Variants in ATE1 observed in about 807,000 individuals in gnomAD.
ATE1 encodes the protein arginyltransferase 1.
A neutral mutation model predicts 70.5 loss-of-function variants in ATE1; 36 were observed. The observed-to-expected ratio is 0.51, with a 90% CI of 0.39 to 0.67. The LOEUF is 0.67. Among genes scored for constraint, ATE1 ranks in the 30% least tolerant of loss-of-function variants. The pLI is 0.00. For missense variants in ATE1, 593 were observed against 629.5 expected (o/e 0.94, Z 0.62); for synonymous variants, 232 against 219.3 (o/e 1.06, Z -0.51).
intron 10 of ATE1, among the ~76,000 whole-genome samples, chr10:121,797,890 C>T (rs1400258453): frequency 6.6e-6 from 1 of 152,146 alleles, no homozygotes; most frequent in Non-Finnish European, 1.5e-5. Context: ...ACTGTCTAAC[C>T]GTCTTGTTAA....
At chr10:121,833,224 G>A (rs1228031088) in intron 10 of ATE1, among the ~76,000 whole-genome samples, 1 of 151,464 alleles carries the variant, frequency 6.6e-6, no homozygotes, top group Non-Finnish European at 1.5e-5. Context: ...CATTCTGTTA[G>A]AACTGCGTAT....
intron 7 of ATE1, among the ~76,000 whole-genome samples, chr10:121,898,052 C>T (rs537450099): frequency 1.9e-4 from 29 of 151,916 alleles, no homozygotes; most frequent in Non-Finnish European, 3.4e-4. Flanking sequence ...GTCAAAAAAT[C>T]AAAACTCTAA....
At chr10:121,818,256 CAAAAAA>C (rs66792557) in intron 10 of ATE1, among the ~76,000 whole-genome samples, 4 of 63,414 alleles carry the variant, frequency 6.3e-5, no homozygotes, top group Non-Finnish European at 1.0e-4. Context: ...GACTCCATCT[CAAAAAA>C]AAAAAAAAAA....
At chr10:121,795,547 T>A (rs74735238) in intron 10 of ATE1, among the ~76,000 whole-genome samples, 6,023 of 152,328 alleles carry the variant, frequency 0.04, 173 homozygotes, top group Middle Eastern at 0.095. Flanking sequence ...ATACTCAGTT[T>A]ATCTCACTCG....
chr10:121,853,412 G>A (rs1381813255), intron 8 of ATE1, among the ~76,000 whole-genome samples: 3 of 151,036 alleles, frequency 2.0e-5, no homozygotes, highest in Non-Finnish European at 4.4e-5. Flanking sequence ...TTCAGGTCAG[G>A]CATCCCAAAA....
chr10:121,845,489 T>C (rs955447403), intron 8 of ATE1, among the ~76,000 whole-genome samples: 10 of 152,184 alleles, frequency 6.6e-5, no homozygotes, highest in African/African-American at 2.4e-4. Flanking sequence ...TACAAATGTA[T>C]GAAACTACCT....
intron 10 of ATE1, among the ~76,000 whole-genome samples, chr10:121,798,546 C>T (rs1255646572): frequency 6.6e-6 from 1 of 152,210 alleles, no homozygotes; most frequent in Non-Finnish European, 1.5e-5. Context: ...TTGTTAAGAA[C>T]ATAGTCCTCA....
rs541182682 is a variant in ATE1, at chr10:121,894,891, ACT to A, written c.942+4973_942+4974del. ...ACTCCAGCCTGGGCGACAGAGTGAG[ACT>A]CTGTCTCAAAAAATAAATAAATAAA... On this transcript the variant is annotated intron_variant, in intron 7 of 11. Coordinates refer to ENST00000224652, the MANE Select transcript of ATE1 (RefSeq NM_001001976.3). Among the ~76,000 whole-genome samples, 464 of 152,078 alleles carry A rather than the reference ACT, an allele frequency of 3.1e-3. 3 individuals carry two copies. The highest frequency in any genetic ancestry group is 2.7e-3 in the Non-Finnish European group (184 of 67,978).
At chr10:121,755,446 G>C in intron 11 of ATE1, among the ~76,000 whole-genome samples, 1 of 152,362 alleles carries the variant, frequency 6.6e-6, no homozygotes, top group African/African-American at 2.4e-5. Context: ...TGGGGAGTCT[G>C]AGTGAAGGGT....
At chr10:121,862,805 G>A (rs1949522511) in intron 8 of ATE1, among the ~76,000 whole-genome samples, 1 of 152,040 alleles carries the variant, frequency 6.6e-6, no homozygotes, top group South Asian at 2.1e-4. Flanking sequence ...ACCTCTAGTT[G>A]CCCTTGCTGT....
At chr10:121,883,027 C>T (rs1183748086) in intron 7 of ATE1, among the ~76,000 whole-genome samples, 1 of 152,124 alleles carries the variant, frequency 6.6e-6, no homozygotes, top group Non-Finnish European at 1.5e-5. Context: ...AAGGCACCTC[C>T]TAATGCTTAT....
chr10:121,859,475 C>A (rs1017555837), intron 8 of ATE1, among the ~76,000 whole-genome samples: 1 of 151,836 alleles, frequency 6.6e-6, no homozygotes. Context: ...CCGGGATGGT[C>A]TCAATCTCCT....
In ATE1 at chr10:121,800,365, T is replaced by C. The variant is rs77929958; in HGVS notation, c.1258-10076A>G. ...ATGGGCTTGGCCGATTGCAATAAAA[T>C]TGAAGTTACCAATTCACGCCCTGCC... On this transcript the variant is annotated intron_variant, in intron 10 of 11. Coordinates refer to ENST00000224652, the MANE Select transcript of ATE1 (RefSeq NM_001001976.3). Among the ~76,000 whole-genome samples, 747 of 152,280 alleles carry C rather than the reference T, an allele frequency of 4.9e-3. 5 individuals are homozygous for C. The highest frequency in any genetic ancestry group is 0.017 in the African/African-American group (716 of 41,536).
At chr10:121,901,262 C>T (rs892624115) in intron 6 of ATE1, among the ~76,000 whole-genome samples, 2 of 150,898 alleles carry the variant, frequency 1.3e-5, no homozygotes, top group Non-Finnish European at 3.0e-5. Flanking sequence ...AGTGAAACTC[C>T]GTCTCAAAAA....
intron 1 of ATE1, 69 bp downstream of exon 1, chr10:121,927,775 G>T: frequency 6.7e-7 from 1 of 1,484,868 alleles, no homozygotes; most frequent in Non-Finnish European, 9.0e-7. Flanking sequence ...TCGCGTCCTC[G>T]CTGGGGGACC....
intron 10 of ATE1, among the ~76,000 whole-genome samples, chr10:121,810,799 T>G (rs981643513): frequency 1.3e-5 from 2 of 152,194 alleles, no homozygotes; most frequent in Middle Eastern, 3.4e-3. Context: ...ACCTCCAGGA[T>G]TCAAGCAATT....
At chr10:121,846,111 A>C (rs1188884115) in intron 8 of ATE1, among the ~76,000 whole-genome samples, 3 of 144,104 alleles carry the variant, frequency 2.1e-5, no homozygotes, top group Admixed American at 1.5e-4. Flanking sequence ...ACCAGAAAGT[A>C]AAGTAGCACT....
intron 10 of ATE1, among the ~76,000 whole-genome samples, chr10:121,802,812 A>G (rs1946943512): frequency 6.6e-6 from 1 of 152,214 alleles, no homozygotes. Flanking sequence ...CATGGTCCTT[A>G]GCAAGGTCCT....
chr10:121,900,471 A>T (rs1479591764), intron 6 of ATE1, among the ~76,000 whole-genome samples: 3 of 152,206 alleles, frequency 2.0e-5, no homozygotes, highest in Admixed American at 1.3e-4. Context: ...ACTTCATAGC[A>T]TAGTTAACAA....
Sources: allele counts gnomAD v4.1 joint callset (sites outside exome capture counted in the v4.1 genomes callset), GRCh38; gene constraint gnomAD v4.1.1; transcripts MANE v1.5; gene names NCBI Gene and HGNC (gene_info 2026-07-23, HGNC 2026-07-21).